Variants in NBAS observed in about 807,000 individuals in gnomAD.
The protein encoded by NBAS is NAG/BC035112 fusion.
A neutral mutation model predicts 302.5 loss-of-function variants in NBAS; 219 were observed. The observed-to-expected ratio is 0.72, with a 90% CI of 0.65 to 0.81. The LOEUF is 0.81. Ranked by LOEUF, NBAS falls within the 30% of genes least tolerant of loss-of-function variation. The pLI, the probability that NBAS is intolerant of heterozygous loss-of-function variation, is 0.00. For missense variants in NBAS, 2,932 were observed against 2,841.6 expected, an observed-to-expected ratio of 1.03 and a Z score of -0.72; for synonymous variants, 1,118 against 1,021.6, an observed-to-expected ratio of 1.09 and a Z score of -1.80.
chr2:15,015,080 A>C, the NBAS span, among the ~76,000 whole-genome samples: 3 of 151,920 alleles, frequency 2.0e-5, no homozygotes, highest in Admixed American at 1.3e-4. Context: ...AGATTAAACT[A>C]AGAAGAAATA....
rs971418878 is a variant in NBAS at position 15,221,004 on chromosome 2, ATGT to A, written c.6237-2039_6237-2037del. Among the ~76,000 whole-genome samples the A allele has an allele frequency of 1.3e-4, 20 of 152,326 alleles. No homozygotes were observed. In the East Asian group the frequency reaches 2.7e-3, roughly 21 times the overall value. Reference sequence around the variant, plus strand: ...ATTTAAGAATAAGTGAAACTACAAAATGTTGTGGATAATTGGTTTAAGAATTTC... The same window carrying A: ...ATTTAAGAATAAGTGAAACTACAAAATGTGGATAATTGGTTTAAGAATTTC... On this transcript the variant is annotated intron_variant, in intron 47 of 51. Transcript: ENST00000281513.
the NBAS span, among the ~76,000 whole-genome samples, chr2:15,134,543 A>G: frequency 6.6e-6 from 1 of 152,216 alleles, no homozygotes; most frequent in East Asian, 1.9e-4. Flanking sequence ...AAGATGATCC[A>G]GATGATCTCA....
intron 38 of NBAS, among the ~76,000 whole-genome samples, chr2:15,322,038 C>A (rs1310865321): frequency 6.6e-6 from 1 of 152,128 alleles, no homozygotes; most frequent in Non-Finnish European, 1.5e-5. Flanking sequence ...GGCATATAAA[C>A]CATGGAATAC....
chr2:14,912,823 A>C, the NBAS span, among the ~76,000 whole-genome samples: 1 of 151,432 alleles, frequency 6.6e-6, no homozygotes, highest in South Asian at 2.1e-4. Context: ...CCAAGGTTTT[A>C]TGTTGCCTCC....
chr2:14,936,327 C>T, the NBAS span, among the ~76,000 whole-genome samples: 1 of 152,152 alleles, frequency 6.6e-6, no homozygotes, highest in Non-Finnish European at 1.5e-5. Flanking sequence ...TATATTTTTA[C>T]CCTTTAGTTT....
the NBAS span, among the ~76,000 whole-genome samples, chr2:14,929,300 C>G: frequency 3.3e-5 from 5 of 152,288 alleles, no homozygotes; most frequent in East Asian, 7.7e-4. Flanking sequence ...CTAAAGTGTT[C>G]CCTGATAGCA....
At chr2:14,856,439 A>C in the NBAS span, among the ~76,000 whole-genome samples, 1 of 152,174 alleles carries the variant, frequency 6.6e-6, no homozygotes, top group Non-Finnish European at 1.5e-5. Context: ...AAAACACTGT[A>C]CCAAATGAAT....
the NBAS span, among the ~76,000 whole-genome samples, chr2:14,841,153 A>G: frequency 6.6e-6 from 1 of 152,052 alleles, no homozygotes; most frequent in East Asian, 1.9e-4. Context: ...ATTTTTTGAA[A>G]GATTCATGAT....
intron 25 of NBAS, among the ~76,000 whole-genome samples, chr2:15,405,899 C>G (rs1338722628): frequency 1.3e-5 from 2 of 151,918 alleles, no homozygotes; most frequent in African/African-American, 4.8e-5. Context: ...TCAAGCAATT[C>G]TAAAAGAGAT....
chr2:15,414,373 A>G (rs1176557747), intron 25 of NBAS, among the ~76,000 whole-genome samples: 1 of 152,222 alleles, frequency 6.6e-6, no homozygotes, highest in Non-Finnish European at 1.5e-5. Flanking sequence ...CTTCCACTTG[A>G]ACCCCAATCT....
At chr2:15,137,690 A>C in the NBAS span, among the ~76,000 whole-genome samples, 1 of 152,248 alleles carries the variant, frequency 6.6e-6, no homozygotes, top group African/African-American at 2.4e-5. Context: ...TCTTCAAAAT[A>C]AAAGCATCAT....
chr2:15,234,926 G>A (rs1213371424), intron 45 of NBAS, among the ~76,000 whole-genome samples, 179 bp from the exon 46 acceptor site: 1 of 152,190 alleles, frequency 6.6e-6, no homozygotes, highest in East Asian at 1.9e-4. Context: ...CCACATTTGA[G>A]TGCAAATTCT....
intron 32 of NBAS, among the ~76,000 whole-genome samples, chr2:15,356,854 T>G (rs187778585): frequency 7.9e-5 from 12 of 152,318 alleles, no homozygotes; most frequent in Admixed American, 7.8e-4. Context: ...CAACTACTAT[T>G]TAGAAATTGG....
the NBAS span, among the ~76,000 whole-genome samples, chr2:15,025,414 G>C: frequency 6.6e-6 from 1 of 152,146 alleles, no homozygotes; most frequent in Admixed American, 6.5e-5. Context: ...TTCCAGCTTT[G>C]TTCCTTTTGC....
At chr2:15,155,137 G>C in the NBAS span, among the ~76,000 whole-genome samples, 1 of 152,212 alleles carries the variant, frequency 6.6e-6, no homozygotes, top group Non-Finnish European at 1.5e-5. Context: ...CTAAAGGATA[G>C]AGCAAGTCCT....
At chr2:15,505,742 G>A (rs1467813003) in intron 10 of NBAS, among the ~76,000 whole-genome samples, 1 of 152,140 alleles carries the variant, frequency 6.6e-6, no homozygotes, top group Non-Finnish European at 1.5e-5. Flanking sequence ...TCAACAAAGG[G>A]AAATTATGGC....
intron 44 of NBAS, among the ~76,000 whole-genome samples, chr2:15,254,708 C>T (rs1668513639): frequency 1.3e-5 from 2 of 152,194 alleles, no homozygotes; most frequent in South Asian, 4.1e-4. Context: ...CACCCTTCCC[C>T]ACCAAGTCCC....
At chr2:15,300,500 A>C (rs1670749032) in intron 40 of NBAS, among the ~76,000 whole-genome samples, 1 of 152,208 alleles carries the variant, frequency 6.6e-6, no homozygotes, top group Non-Finnish European at 1.5e-5. Flanking sequence ...AACATCCAAC[A>C]TCCAACTATC....
intron 32 of NBAS, among the ~76,000 whole-genome samples, chr2:15,358,879 T>C (rs932558872): frequency 7.9e-5 from 12 of 152,234 alleles, no homozygotes; most frequent in African/African-American, 2.9e-4. Context: ...AGAATGAAAA[T>C]AATTTGGGGC....
Sources: allele counts gnomAD v4.1 joint callset (sites outside exome capture counted in the v4.1 genomes callset), GRCh38; gene constraint gnomAD v4.1.1; transcripts MANE v1.5; gene names NCBI Gene and HGNC (gene_info 2026-07-23, HGNC 2026-07-21).